Variants in TRAM1L1 observed in about 807,000 individuals in gnomAD.
The protein encoded by TRAM1L1 is translocating chain-associated membrane protein 1-like 1.
For synonymous variants in TRAM1L1, 189 were observed against 163.6 expected, an observed-to-expected ratio of 1.16 and a Z score of -1.18; for missense variants, 451 against 439.9, an observed-to-expected ratio of 1.03 and a Z score of -0.23.
Position 117,085,475 on chromosome 4 carries a change from A to G in TRAM1L1, c.-82T>C, listed in dbSNP as rs1187628257. 1 of 1,522,050 alleles carries G rather than the reference A, an allele frequency of 6.6e-7. No individual in the cohort carries two copies. Among genetic ancestry groups the G allele is most frequent in the African/African-American group, 1.4e-5 (1 of 72,218 alleles). 94.3% of individuals were successfully genotyped at this position (1,522,050 alleles called of 1,614,324 possible). On this transcript the variant is annotated 5_prime_UTR_variant, in exon 1 of 1. Coordinates refer to ENST00000310754, the MANE Select transcript of TRAM1L1 (RefSeq NM_152402.3). The stretch of plus-strand genomic sequence containing the variant: ...CTCACAGCGCCGCCGCCACGGTAGC[A>G]GCTCCGGGGGCTCCACTTCCCATCC...
At position 117,085,285 on chromosome 4, in the gene TRAM1L1, C is replaced by G. The variant is rs772264420; in HGVS notation, c.109G>C (p.Gly37Arg). 4 of 1,614,026 alleles carry G rather than the reference C, an allele frequency of 2.5e-6. No individual in the cohort carries two copies. Among genetic ancestry groups the G allele is most frequent in the Non-Finnish European group, 3.4e-6 (4 of 1,180,032 alleles). The change falls in exon 1 of 1, where the codon GGG becomes CGG. Residue 37 changes from glycine to arginine, a missense_variant. Transcript: ENST00000310754. ...VSCVGMFFLL[G>R]LVFEGTAEAS... ...TCTGCTGTTCCCTCGAACACAAGCC[C>G]CAGCAGGAAGAACATCCCCACGCAG...
At position 117,085,535 on chromosome 4, in the gene TRAM1L1, A is replaced by C. The variant is rs914174886; in HGVS notation, c.-142T>G. On this transcript the variant is annotated 5_prime_UTR_variant, in exon 1 of 1. Transcript: ENST00000310754. Reference sequence around the variant, plus strand: ...TCCCGGGTCGCAGCGGCCGCCCAGAAAAAAAATAAATCAAAGGCGAGGGCC... The same window carrying C: ...TCCCGGGTCGCAGCGGCCGCCCAGACAAAAAATAAATCAAAGGCGAGGGCC... 51 of 1,165,136 alleles carry C rather than the reference A, an allele frequency of 4.4e-5. No individual in the cohort carries two copies. The Middle Eastern group carries it at 8.9e-4, about 20-fold the overall frequency. The allele number at this position is 1,165,136 out of a possible 1,614,324, so 72.2% of individuals were successfully genotyped here. A position where few individuals can be genotyped will look rare whatever the true frequency, so the allele number is the denominator to read the frequency against.
chr4:117,084,554 C>T lies in TRAM1L1; in HGVS notation c.840G>A (p.Gln280=). ...CAGTAAGGGCATCAGGATTCCGATTCTGCGATCCAGCCAGGTGAAACCCAA... is the reference window on the plus strand; with the variant it reads ...CAGTAAGGGCATCAGGATTCCGATTTTGCGATCCAGCCAGGTGAAACCCAA... ...LTVGFHLAGS[Q]NRNPDALTGN... Residue 280 remains glutamine, a synonymous_variant, in exon 1 of 1, where the codon CAG becomes CAA. Coordinates refer to ENST00000310754, the MANE Select transcript of TRAM1L1 (RefSeq NM_152402.3). 6.2e-7 allele frequency: 1 copy of T among 1,614,188 alleles called. No homozygotes were observed. Among genetic ancestry groups the T allele is most frequent in the Non-Finnish European group, 8.5e-7 (1 of 1,180,038 alleles).
Position 117,084,418 on chromosome 4 carries a change from C to A in TRAM1L1, c.976G>T (p.Asp326Tyr), listed in dbSNP as rs1019213655. 1.2e-6 allele frequency: 2 copies of A among 1,614,134 alleles called. No individual in the cohort carries two copies. Among genetic ancestry groups the A allele is most frequent in the Admixed American group, 3.3e-5 (2 of 60,008 alleles). Residue 326 changes from aspartate to tyrosine, a missense_variant, in exon 1 of 1, where the codon GAT becomes TAT. Physicochemically the swap from Asp to Tyr is radical, Grantham distance 160. Transcript: ENST00000310754. ...ATACATGAGGCCTGAATATTAGAAT[C>A]TTCTACCCACCTCTGAAGCCAGAGA... Reference protein sequence around the residue: ...ITLWLQRWVEDSNIQASCMKK... With the variant: ...ITLWLQRWVEYSNIQASCMKK...
Position 117,084,492 on chromosome 4 carries a change from A to C in TRAM1L1, c.902T>G (p.Leu301Arg), listed in dbSNP as rs764927567. 10 of 1,614,234 alleles carry C rather than the reference A, an allele frequency of 6.2e-6. No individual in the cohort carries two copies. The highest frequency in any genetic ancestry group is 8.5e-6 in the Non-Finnish European group (10 of 1,180,038). The change falls in exon 1 of 1, where the codon CTG becomes CGG. Residue 301 changes from leucine to arginine, a missense_variant. By Grantham distance (102) the Leu-to-Arg change is moderately radical. Transcript: ENST00000310754. ...VNVLAAKIAVLSSSCTIQAYV... is the reference protein window; with the variant it reads ...VNVLAAKIAVRSSSCTIQAYV... The stretch of plus-strand genomic sequence containing the variant: ...GGCTTGGATCGTGCAACTGGACGAC[A>C]GAACAGCAATTTTAGCTGCCAACAC...
Position 117,085,065 on chromosome 4 carries a change from T to C in TRAM1L1, c.329A>G (p.Gln110Arg). The C allele has an allele frequency of 1.2e-6, 2 of 1,614,130 alleles. No individual in the cohort carries two copies. Among genetic ancestry groups the C allele is most frequent in the Non-Finnish European group, 1.7e-6 (2 of 1,180,024 alleles). The stretch of plus-strand genomic sequence containing the variant: ...CTTGTTTTGTTTCGCTTTGGTGAAC[T>C]GCATTCTCTTGTTAATTTTATCCAA... ...YVLDKINKRM[Q>R]FTKAKQNKFN... is the part of the protein sequence containing the mutation. The change falls in exon 1 of 1, where the codon CAG becomes CGG. Residue 110 changes from glutamine to arginine, a missense_variant. Coordinates refer to ENST00000310754, the MANE Select transcript of TRAM1L1 (RefSeq NM_152402.3).
chr4:117,084,357 G>T lies in TRAM1L1; in HGVS notation c.1037C>A (p.Thr346Lys). 3 of 1,614,106 alleles carry T rather than the reference G, an allele frequency of 1.9e-6. No homozygotes were observed. The highest frequency in any genetic ancestry group is 2.5e-6 in the Non-Finnish European group (3 of 1,180,000). ...KKRSRSSKKR[T>K]ENGVGVETSN... ...AGTTTCCACTCCCACTCCGTTTTCT[G>T]TTCTTTTTTTAGAAGATCTCGACCG... Residue 346 changes from threonine (T) to lysine (K), a missense_variant, in exon 1 of 1, where the codon ACA becomes AAA. By Grantham distance (78) the Thr-to-Lys change is moderately conservative. Transcript: ENST00000310754.
Position 117,085,220 on chromosome 4 carries a change from A to G in TRAM1L1, c.174T>C (p.Ala58=). 1 of 1,614,170 alleles carries G rather than the reference A, an allele frequency of 6.2e-7. No homozygotes were observed. Among genetic ancestry groups the G allele is most frequent in the Non-Finnish European group, 8.5e-7 (1 of 1,180,034 alleles). Residue 58 remains alanine (A), a synonymous_variant, in exon 1 of 1, where the codon GCT becomes GCC. Coordinates refer to ENST00000310754, the MANE Select transcript of TRAM1L1 (RefSeq NM_152402.3). The part of the protein sequence containing the change: ...IVFLTLQHSV[A]VPAAEEQATG... The stretch of plus-strand genomic sequence containing the variant: ...TGGCTTGTTCCTCTGCTGCAGGGAC[A>G]GCAACACTGTGCTGAAGAGTGAGAA...
At position 117,085,337 on chromosome 4, in the gene TRAM1L1, G is replaced by A. The variant is rs141408957; in HGVS notation, c.57C>T (p.Ile19=). 1.2e-6 allele frequency: 2 copies of A among 1,614,046 alleles called. No individual in the cohort carries two copies. The highest frequency in any genetic ancestry group is 1.7e-6 in the Non-Finnish European group (2 of 1,180,006). The part of the protein sequence containing the change: ...KNPPVLSQEF[I]LQNHADIVSC... The stretch of plus-strand genomic sequence containing the variant: ...AGACGATGTCCGCATGATTCTGCAG[G>A]ATGAATTCCTGGCTGAGAACGGGGG... The change falls in exon 1 of 1, where the codon ATC becomes ATT. Residue 19 remains isoleucine (I), a synonymous_variant. Coordinates refer to ENST00000310754, the MANE Select transcript of TRAM1L1 (RefSeq NM_152402.3).
At position 117,085,358 on chromosome 4, in the gene TRAM1L1, G is replaced by A. The variant is rs113650718; in HGVS notation, c.36C>T (p.Pro12=). The change falls in exon 1 of 1, where the codon CCC becomes CCT. Residue 12 remains proline (P), a synonymous_variant. Coordinates refer to ENST00000310754, the MANE Select transcript of TRAM1L1 (RefSeq NM_152402.3). ...GLRKKSTKNP[P]VLSQEFILQN... ...GCAGGATGAATTCCTGGCTGAGAAC[G>A]GGGGGGTTCTTGGTGCTCTTCTTAC... is the stretch of plus-strand genomic sequence containing the variant. 4.0e-5 allele frequency: 64 copies of A among 1,613,194 alleles called. No homozygotes were observed. The African/African-American group carries it at 6.7e-4, about 17-fold the overall frequency.
rs1274507977 is a variant in TRAM1L1, at chr4:117,085,323, G to T, written c.71C>A (p.Ala24Glu). ...CATCCCCACGCAGGAGACGATGTCCGCATGATTCTGCAGGATGAATTCCTG... is the reference window on the plus strand; with the variant it reads ...CATCCCCACGCAGGAGACGATGTCCTCATGATTCTGCAGGATGAATTCCTG... ...LSQEFILQNH[A>E]DIVSCVGMFF... The change falls in exon 1 of 1, where the codon GCG (alanine) becomes GAG (glutamate). Residue 24 changes from alanine (A) to glutamate (E), a missense_variant. Transcript: ENST00000310754. 6.2e-7 allele frequency: 1 copy of T among 1,614,044 alleles called. No individual in the cohort carries two copies. Among genetic ancestry groups the T allele is most frequent in the Non-Finnish European group, 8.5e-7 (1 of 1,180,022 alleles).
chr4:117,085,468 C>G lies in TRAM1L1; in HGVS notation c.-75G>C, dbSNP rs958284276. On this transcript the variant is annotated 5_prime_UTR_variant, in exon 1 of 1. Transcript: ENST00000310754. ...GCTGCTCCTCACAGCGCCGCCGCCA[C>G]GGTAGCAGCTCCGGGGGCTCCACTT... 3.7e-5 allele frequency: 57 copies of G among 1,537,666 alleles called. No homozygotes were observed. Among genetic ancestry groups the G allele is most frequent in the Middle Eastern group, 4.7e-4 (2 of 4,220 alleles).
In TRAM1L1 at chr4:117,085,312, A is replaced by G. The variant is rs1037916672; in HGVS notation, c.82T>C (p.Ser28Pro). ...AGCAGGAAGAACATCCCCACGCAGGAGACGATGTCCGCATGATTCTGCAGG... is the reference window on the plus strand; with the variant it reads ...AGCAGGAAGAACATCCCCACGCAGGGGACGATGTCCGCATGATTCTGCAGG... ...FILQNHADIV[S>P]CVGMFFLLGL... The change falls in exon 1 of 1, where the codon TCC becomes CCC. Residue 28 changes from serine (S) to proline (P), a missense_variant. Transcript: ENST00000310754. The G allele has an allele frequency of 6.2e-7, 1 of 1,614,000 alleles. No individual in the cohort carries two copies. The highest frequency in any genetic ancestry group is 8.5e-7 in the Non-Finnish European group (1 of 1,180,032).
chr4:117,084,476 C>T lies in TRAM1L1; in HGVS notation c.918G>A (p.Thr306=), dbSNP rs746323628. 6.2e-7 allele frequency: 1 copy of T among 1,614,152 alleles called. No individual in the cohort carries two copies. Among genetic ancestry groups the T allele is most frequent in the Admixed American group, 1.7e-5 (1 of 60,018 alleles). The change falls in exon 1 of 1, where the codon ACG becomes ACA. Residue 306 remains threonine, a synonymous_variant. Transcript: ENST00000310754. Reference sequence around the variant, plus strand: ...AGTTCCATGTTACGTAGGCTTGGATCGTGCAACTGGACGACAGAACAGCAA... The same window carrying T: ...AGTTCCATGTTACGTAGGCTTGGATTGTGCAACTGGACGACAGAACAGCAA... ...AKIAVLSSSC[T]IQAYVTWNLI...
At position 117,085,568 on chromosome 4, in the gene TRAM1L1, G is replaced by T. The variant is rs939720388; in HGVS notation, c.-175C>A. On this transcript the variant is annotated 5_prime_UTR_variant, in exon 1 of 1. Transcript: ENST00000310754. ...AAATCAAAGGCGAGGGCCGAGCTGA[G>T]CTGAGCATGCGCACCAGGGGGACGG... is the stretch of plus-strand genomic sequence containing the variant. The T allele has an allele frequency of 1.2e-6, 1 of 831,106 alleles. No homozygotes were observed. The highest frequency in any genetic ancestry group is 1.8e-6 in the Non-Finnish European group (1 of 547,058). 51.5% of individuals were successfully genotyped at this position (831,106 alleles called of 1,614,324 possible).
In TRAM1L1 at chr4:117,084,360, C is replaced by A. The variant is rs2110394595; in HGVS notation, c.1034G>T (p.Arg345Ile). ...KKKRSRSSKK[R>I]TENGVGVETS... ...TTCCACTCCCACTCCGTTTTCTGTT[C>A]TTTTTTTAGAAGATCTCGACCGTTT... The change falls in exon 1 of 1, where the codon AGA becomes ATA. Residue 345 changes from arginine (R) to isoleucine (I), a missense_variant. By Grantham distance (97) the Arg-to-Ile change is moderately conservative. Transcript: ENST00000310754. The A allele has an allele frequency of 6.2e-7, 1 of 1,614,092 alleles. No individual in the cohort carries two copies. Among genetic ancestry groups the A allele is most frequent in the African/African-American group, 1.3e-5 (1 of 75,010 alleles).
Position 117,085,527 on chromosome 4 carries a change from C to T in TRAM1L1, c.-134G>A, listed in dbSNP as rs1488291240. On this transcript the variant is annotated 5_prime_UTR_variant, in exon 1 of 1. Transcript: ENST00000310754. Reference sequence around the variant, plus strand: ...GAAGTCAGTCCCGGGTCGCAGCGGCCGCCCAGAAAAAAAATAAATCAAAGG... The same window carrying T: ...GAAGTCAGTCCCGGGTCGCAGCGGCTGCCCAGAAAAAAAATAAATCAAAGG... 1.6e-6 allele frequency: 2 copies of T among 1,241,474 alleles called. No individual in the cohort carries two copies. The highest frequency in any genetic ancestry group is 2.8e-5 in the Admixed American group (1 of 35,722). The allele number at this position is 1,241,474 out of a possible 1,614,324, so 76.9% of individuals were successfully genotyped here.
In TRAM1L1 at chr4:117,085,326, T is replaced by A. The variant is rs752329423; in HGVS notation, c.68A>T (p.His23Leu). 1 of 1,613,984 alleles carries A rather than the reference T, an allele frequency of 6.2e-7. No individual in the cohort carries two copies. Among genetic ancestry groups the A allele is most frequent in the African/African-American group, 1.3e-5 (1 of 74,924 alleles). The change falls in exon 1 of 1, where the codon CAT becomes CTT. Residue 23 changes from histidine (H) to leucine (L), a missense_variant. Coordinates refer to ENST00000310754, the MANE Select transcript of TRAM1L1 (RefSeq NM_152402.3). ...CCCCACGCAGGAGACGATGTCCGCATGATTCTGCAGGATGAATTCCTGGCT... is the reference window on the plus strand; with the variant it reads ...CCCCACGCAGGAGACGATGTCCGCAAGATTCTGCAGGATGAATTCCTGGCT... ...VLSQEFILQNHADIVSCVGMF... is the reference protein window; with the variant it reads ...VLSQEFILQNLADIVSCVGMF...
chr4:117,085,540 A>T lies in TRAM1L1; in HGVS notation c.-147T>A. 2 of 1,138,196 alleles carry T rather than the reference A, an allele frequency of 1.8e-6. No individual in the cohort carries two copies. The highest frequency in any genetic ancestry group is 2.5e-6 in the Non-Finnish European group (2 of 814,678). The allele number at this position is 1,138,196 out of a possible 1,614,324, so 70.5% of individuals were successfully genotyped here. A position where few individuals can be genotyped will look rare whatever the true frequency, so the allele number is the denominator to read the frequency against. On this transcript the variant is annotated 5_prime_UTR_variant, in exon 1 of 1. Coordinates refer to ENST00000310754, the MANE Select transcript of TRAM1L1 (RefSeq NM_152402.3). ...GGTCGCAGCGGCCGCCCAGAAAAAA[A>T]ATAAATCAAAGGCGAGGGCCGAGCT... is the stretch of plus-strand genomic sequence containing the variant.
Sources: gnomAD v4.1 joint callset for allele counts on GRCh38, gnomAD v4.1.1 for gene constraint, MANE v1.5 for transcripts, NCBI Gene and HGNC (gene_info 2026-07-23, HGNC 2026-07-21) for gene names.